HIPK2: variants seen among roughly 807,000 people sequenced by gnomAD.
HIPK2 encodes the protein homeodomain-interacting protein kinase 2.
A neutral mutation model predicts 113.7 loss-of-function variants in HIPK2; 27 were observed. The observed-to-expected ratio is 0.24, with a 90% CI of 0.17 to 0.33. The LOEUF (loss-of-function observed/expected upper bound fraction) is 0.33, where lower values mean the gene tolerates loss of function less well. Ranked by LOEUF, HIPK2 falls within the 10% of genes least tolerant of loss-of-function variation. The pLI, the probability that HIPK2 is intolerant of heterozygous loss-of-function variation, is 1.00. For synonymous variants in HIPK2, 631 were observed against 642.2 expected (o/e 0.98, Z 0.26); for missense variants, 1,257 against 1,588.0 (o/e 0.79, Z 3.54).
At chr7:139,769,213 C>T (rs1010111616) in intron 1 of HIPK2, among the ~76,000 whole-genome samples, 1 of 141,812 alleles carries the variant, frequency 7.1e-6, no homozygotes, top group African/African-American at 2.7e-5. Context: ...TTCTCCTGCA[C>T]CACCCCAACA....
At chr7:139,642,403 AG>A (rs1419429968) in intron 2 of HIPK2, among the ~76,000 whole-genome samples, 1 of 152,144 alleles carries the variant, frequency 6.6e-6, no homozygotes, top group East Asian at 1.9e-4. Flanking sequence ...TTGGAGCCAG[AG>A]GTAAGAGAGA....
At chr7:139,638,831 G>A (rs530152743) in intron 2 of HIPK2, among the ~76,000 whole-genome samples, 4 of 151,892 alleles carry the variant, frequency 2.6e-5, no homozygotes, top group African/African-American at 4.8e-5. Context: ...CTAATTTTTC[G>A]TATTTTTAGT....
chr7:139,690,213 G>A (rs1208434404), intron 2 of HIPK2, among the ~76,000 whole-genome samples: 1 of 152,166 alleles, frequency 6.6e-6, no homozygotes, highest in Non-Finnish European at 1.5e-5. Flanking sequence ...TAAAGGGGTG[G>A]TGAATGCATC....
At chr7:139,664,241 T>A (rs750144769) in intron 2 of HIPK2, among the ~76,000 whole-genome samples, 9 of 152,182 alleles carry the variant, frequency 5.9e-5, no homozygotes, top group African/African-American at 1.2e-4. Context: ...TCAACTACAA[T>A]AAGTAGCTTG....
chr7:139,755,667 C>T (rs571870534), intron 1 of HIPK2, among the ~76,000 whole-genome samples: 2 of 152,344 alleles, frequency 1.3e-5, no homozygotes, highest in African/African-American at 4.8e-5. Context: ...GGTCCCACAT[C>T]CATGTTCTGT....
In HIPK2 at chr7:139,631,205, T is replaced by G. The variant is rs376167387; in HGVS notation, c.1307A>C (p.Asn436Thr). The G allele has an allele frequency of 6.2e-7, 1 of 1,613,726 alleles. No individual in the cohort carries two copies. Among genetic ancestry groups the G allele is most frequent in the Non-Finnish European group, 8.5e-7 (1 of 1,179,810 alleles). Residue 436 changes from asparagine (N) to threonine (T), a missense_variant, in exon 4 of 15, where the codon AAC (asparagine) becomes ACC (threonine). This residue lies in a region of HIPK2 where 84 missense variants were observed against 182.2 expected (regional missense o/e 0.46). Transcript: ENST00000406875. This position sits in a 1 kb window ranked among gnomAD's most constrained non-coding sequence, Gnocchi z 4.9. ...AGGATATGGTGAGTCCGTGTCACGG[T>G]TGAAAAACCTAGTTGTCTTTGTCCC... ...SAGTKTTRFF[N>T]RDTDSPYPLW... is the part of the protein sequence containing the mutation.
chr7:139,613,352 G>C lies in HIPK2; in HGVS notation c.1991-29C>G. ...TTCCAGACAGTGTGAGGGAGAGAAG[G>C]GTTAGCTGAGACGCTGTGAACAGCT... On this transcript the variant is annotated intron_variant, in intron 8 of 14. Transcript: ENST00000406875. This position sits in a 1 kb window ranked among gnomAD's most constrained non-coding sequence, Gnocchi z 4.2. 6.2e-7 allele frequency: 1 copy of C among 1,610,214 alleles called. No homozygotes were observed. Among genetic ancestry groups the C allele is most frequent in the East Asian group, 2.3e-5 (1 of 44,266 alleles).
chr7:139,699,016 AAAT>A (rs1388535062), intron 2 of HIPK2, among the ~76,000 whole-genome samples: 1 of 152,196 alleles, frequency 6.6e-6, no homozygotes, highest in Non-Finnish European at 1.5e-5. Flanking sequence ...CGGGTATAAT[AAAT>A]AATAAAAACG....
intron 1 of HIPK2, among the ~76,000 whole-genome samples, chr7:139,776,060 G>A (rs1397023359): frequency 6.6e-6 from 1 of 152,114 alleles, no homozygotes. Context: ...ATTGACTGTA[G>A]CCCCCTCCTG....
At chr7:139,578,087 G>A (rs1798548578) in intron 13 of HIPK2, among the ~76,000 whole-genome samples, 1 of 152,066 alleles carries the variant, frequency 6.6e-6, no homozygotes, top group South Asian at 2.1e-4. Context: ...TCAGCTCACT[G>A]CAGCCTCCGC....
intron 2 of HIPK2, among the ~76,000 whole-genome samples, chr7:139,704,170 A>G (rs1256961700): frequency 4.4e-5 from 6 of 137,200 alleles, no homozygotes; most frequent in African/African-American, 1.7e-4. Flanking sequence ...CACCCCCTCC[A>G]CACCCACACT....
intron 2 of HIPK2, among the ~76,000 whole-genome samples, chr7:139,648,140 C>G (rs1210425287): frequency 6.6e-6 from 1 of 152,242 alleles, no homozygotes; most frequent in Non-Finnish European, 1.5e-5. Flanking sequence ...GGCTCTGACA[C>G]AGAACTGTCT....
rs149467493 is a variant in HIPK2, at chr7:139,664,622, G to A, written c.1104-32897C>T. ...TGGCTTCCACCCTTCCTGCTATGGC[G>A]CAACATCCCTTTCAGGGGACAACGA... is the stretch of plus-strand genomic sequence containing the variant. On this transcript the variant is annotated intron_variant, in intron 2 of 14. Coordinates refer to ENST00000406875, the MANE Select transcript of HIPK2 (RefSeq NM_022740.5). 2.1e-3 allele frequency among the ~76,000 whole-genome samples: 312 copies of A among 152,110 alleles called. 1 individual carries two copies. The highest frequency in any genetic ancestry group is 7.0e-3 in the African/African-American group (290 of 41,486).
chr7:139,759,787 A>G (rs748815898), intron 1 of HIPK2, among the ~76,000 whole-genome samples: 5 of 152,236 alleles, frequency 3.3e-5, no homozygotes, highest in Non-Finnish European at 5.9e-5. Context: ...GATACTAAGA[A>G]AAATGGTTAT....
Position 139,573,334 on chromosome 7 carries a change from G to C in HIPK2, c.3190C>G (p.Pro1064Ala), listed in dbSNP as rs760610598. 1 of 1,605,832 alleles carries C rather than the reference G, an allele frequency of 6.2e-7. No individual in the cohort carries two copies. Among genetic ancestry groups the C allele is most frequent in the South Asian group, 1.1e-5 (1 of 91,048 alleles). The change falls in exon 15 of 15, where the codon CCC becomes GCC. Residue 1064 changes from proline to alanine, a missense_variant. Physicochemically the swap from Pro to Ala is conservative, Grantham distance 27. Around this residue, in one of 5 missense-constraint regions of HIPK2, gnomAD observed 862 missense variants for 1,004.3 expected, o/e 0.86. Coordinates refer to ENST00000406875, the MANE Select transcript of HIPK2 (RefSeq NM_022740.5). ...GAGTACGGAGCCTGGGCCATGGTGGGAGTGATGTAGGCCTGCTGCCTTCGG... is the reference window on the plus strand; with the variant it reads ...GAGTACGGAGCCTGGGCCATGGTGGCAGTGATGTAGGCCTGCTGCCTTCGG... ...SHRRQQAYIT[P>A]TMAQAPYSFP...
intron 1 of HIPK2, among the ~76,000 whole-genome samples, chr7:139,745,271 CT>C (rs1356192753): frequency 1.3e-5 from 2 of 152,158 alleles, no homozygotes; most frequent in Non-Finnish European, 2.9e-5. Flanking sequence ...TAGGAGTGCT[CT>C]GAAAAGTCCC....
At chr7:139,748,774 G>A in intron 1 of HIPK2, among the ~76,000 whole-genome samples, 1 of 152,098 alleles carries the variant, frequency 6.6e-6, no homozygotes, top group Non-Finnish European at 1.5e-5. Flanking sequence ...ACATGTGAGT[G>A]GGGAGGGGGA....
chr7:139,767,393 CAA>C (rs1163445885), intron 1 of HIPK2, among the ~76,000 whole-genome samples: 1 of 152,174 alleles, frequency 6.6e-6, no homozygotes, highest in Non-Finnish European at 1.5e-5. Flanking sequence ...TAAAACAAGG[CAA>C]ATACACGCTC....
chr7:139,689,303 A>G (rs1305632188), intron 2 of HIPK2, among the ~76,000 whole-genome samples: 2 of 152,230 alleles, frequency 1.3e-5, no homozygotes, highest in Non-Finnish European at 2.9e-5. Flanking sequence ...TAATTCAATC[A>G]TCACAATGAA....
Sources: allele counts gnomAD v4.1 joint callset (sites outside exome capture counted in the v4.1 genomes callset), GRCh38; gene constraint gnomAD v4.1.1; regional missense constraint gnomAD v4.1.1; non-coding constraint Gnocchi (gnomAD v3.1); transcripts MANE v1.5; gene names NCBI Gene and HGNC (gene_info 2026-07-23, HGNC 2026-07-21).